The following RELT variants were observed in gnomAD, a reference collection of about 807,000 sequenced individuals.
The protein encoded by RELT is RELT TNF receptor.
A neutral mutation model predicts 51.1 loss-of-function variants in RELT; 37 were observed. The observed-to-expected ratio is 0.72, with a 90% CI of 0.56 to 0.95. The LOEUF is 0.95. Among genes scored for constraint, RELT ranks in the 40% least tolerant of loss-of-function variants. RELT has a pLI of 0.00. For missense variants in RELT, 535 were observed against 572.6 expected, an observed-to-expected ratio of 0.93 and a Z score of 0.67; for synonymous variants, 241 against 235.7, an observed-to-expected ratio of 1.02 and a Z score of -0.21.
chr11:73,377,704 G>T (rs1865992715), intron 1 of RELT, among the ~76,000 whole-genome samples: 1 of 140,352 alleles, frequency 7.1e-6, no homozygotes, highest in African/African-American at 2.6e-5. Flanking sequence ...CCTCCCCCGC[G>T]CAGGCCTCAG....
chr11:73,381,911 G>T (rs961074555), intron 1 of RELT, among the ~76,000 whole-genome samples: 1 of 152,182 alleles, frequency 6.6e-6, no homozygotes. Flanking sequence ...AAGCCTCTGG[G>T]TGACCTCGGC....
intron 1 of RELT, among the ~76,000 whole-genome samples, chr11:73,384,873 G>T (rs1368372912): frequency 6.6e-6 from 1 of 152,212 alleles, no homozygotes; most frequent in Non-Finnish European, 1.5e-5. Context: ...GGGAGGTGGG[G>T]GAGAGGGTAC....
intron 1 of RELT, among the ~76,000 whole-genome samples, chr11:73,384,054 T>C (rs1486188377): frequency 6.6e-6 from 1 of 152,132 alleles, no homozygotes; most frequent in East Asian, 1.9e-4. Flanking sequence ...AGCCACTATC[T>C]GGGAAGCAGA....
chr11:73,385,162 A>G (rs950438484), intron 1 of RELT, among the ~76,000 whole-genome samples: 4 of 151,936 alleles, frequency 2.6e-5, no homozygotes, highest in African/African-American at 9.7e-5. Context: ...GGCAAGAGCA[A>G]TGGGCGCAGG....
chr11:73,387,153 C>T (rs1008544340), intron 1 of RELT, among the ~76,000 whole-genome samples: 14 of 152,104 alleles, frequency 9.2e-5, no homozygotes, highest in African/African-American at 3.4e-4. Flanking sequence ...GCATCTTGGC[C>T]AGGCTGGTCT....
At chr11:73,392,530 T>G in intron 6 of RELT, 62 bp downstream of exon 6, 2 of 1,560,706 alleles carry the variant, frequency 1.3e-6, no homozygotes, top group South Asian at 1.1e-5. Context: ...CCAGCTCCAC[T>G]TGGGGGCTGC....
chr11:73,392,087 G>A, intron 5 of RELT, 124 bp from the exon 6 acceptor site: 3 of 1,109,408 alleles, frequency 2.7e-6, no homozygotes, highest in Non-Finnish European at 3.9e-6. Context: ...AGCATGGCGG[G>A]GAGTGGGCTC....
intron 6 of RELT, chr11:73,393,198 C>G: frequency 6.0e-6 from 6 of 1,001,056 alleles, no homozygotes; most frequent in Non-Finnish European, 7.2e-6. Flanking sequence ...AGGAAGCGGA[C>G]AGGAGCAGTA....
At position 73,395,761 on chromosome 11, in the gene RELT, C is replaced by T. The variant is rs1015565579; in HGVS notation, c.*270C>T. ...AAGGATGCCCCGACCCCCGTGCCTG[C>T]CCTGGCTGGATCCTAGGAGCCCACG... On this transcript the variant is annotated 3_prime_UTR_variant, in exon 11 of 11. Coordinates refer to ENST00000064780, the MANE Select transcript of RELT (RefSeq NM_152222.2). The T allele has an allele frequency of 1.9e-4, 105 of 550,710 alleles. No individual in the cohort carries two copies. In the Middle Eastern group the frequency reaches 4.3e-3, roughly 23 times the overall value. The allele number at this position is 550,710 out of a possible 1,614,324, so 34.1% of individuals were successfully genotyped here.
chr11:73,381,053 C>T (rs1290416091), intron 1 of RELT, among the ~76,000 whole-genome samples: 1 of 152,200 alleles, frequency 6.6e-6, no homozygotes, highest in Non-Finnish European at 1.5e-5. Flanking sequence ...TCATTCCCTC[C>T]AAGCACAGGC....
At chr11:73,393,775 G>A (rs1866258495) in intron 6 of RELT, 62 bp from the exon 7 acceptor site, 1 of 1,585,868 alleles carries the variant, frequency 6.3e-7, no homozygotes. Flanking sequence ...GGCAGATCAT[G>A]GTTTAGCTCA....
Position 73,394,604 on chromosome 11 carries a change from G to A in RELT, c.916G>A (p.Val306Met). 1 of 1,613,290 alleles carries A rather than the reference G, an allele frequency of 6.2e-7. No individual in the cohort carries two copies. Among genetic ancestry groups the A allele is most frequent in the Non-Finnish European group, 8.5e-7 (1 of 1,179,998 alleles). Residue 306 changes from valine (V) to methionine (M), a missense_variant, in exon 9 of 11, where the codon GTG becomes ATG. Physicochemically the swap from Val to Met is conservative, Grantham distance 21. Coordinates refer to ENST00000064780, the MANE Select transcript of RELT (RefSeq NM_152222.2). This position sits in a 1 kb window ranked among gnomAD's most constrained non-coding sequence, Gnocchi z 4.9. ...CTGTAGCCAGAAGAAGTGGCCCGAGGTGCTGCTGTCCCCTGAGGCTGTAGC... is the reference window on the plus strand; with the variant it reads ...CTGTAGCCAGAAGAAGTGGCCCGAGATGCTGCTGTCCCCTGAGGCTGTAGC... The part of the protein sequence containing the change: ...SRCSQKKWPE[V>M]LLSPEAVAAT...
rs770129535 is a variant in RELT, at chr11:73,395,170, G to C, written c.1130G>C (p.Trp377Ser). Residue 377 changes from tryptophan to serine, a missense_variant, in exon 10 of 11, where the codon TGG (tryptophan) becomes TCG (serine). By Grantham distance (177) the Trp-to-Ser change is radical. Transcript: ENST00000064780. The part of the protein sequence containing the change: ...VKTITEAGPS[W>S]GDLPDSPQPG... ...ACCATCACGGAGGCTGGGCCCTCGT[G>C]GGGTGATCTCCCTGACTCCCCACAG... The C allele has an allele frequency of 2.5e-6, 4 of 1,613,432 alleles. No homozygotes were observed. In the East Asian group the frequency reaches 6.7e-5, roughly 27 times the overall value.
chr11:73,379,269 A>G (rs1226117697), intron 1 of RELT, among the ~76,000 whole-genome samples: 1 of 152,168 alleles, frequency 6.6e-6, no homozygotes, highest in Non-Finnish European at 1.5e-5. Context: ...CAAGAGGAGA[A>G]GGGTTAACTT....
chr11:73,383,467 G>C (rs544060225), intron 1 of RELT, among the ~76,000 whole-genome samples: 1 of 152,368 alleles, frequency 6.6e-6, no homozygotes, highest in South Asian at 2.1e-4. Flanking sequence ...TGGCGGTGCA[G>C]ACAGCACCTT....
rs1335312835 is a variant in RELT at position 73,396,678 on chromosome 11, C to CTT, written c.*1188_*1189dup. ...CTCCTTTTCTCTGTGCCCTTCCCAG[C>CTT]TTATCCGCCTGTTCCACTTGTACCT... On this transcript the variant is annotated 3_prime_UTR_variant, in exon 11 of 11. Transcript: ENST00000064780. 1.3e-5 allele frequency: 2 copies of CTT among 152,320 alleles called. No homozygotes were observed. The highest frequency in any genetic ancestry group is 4.8e-5 in the African/African-American group (2 of 41,466). The allele number at this position is 152,320 out of a possible 1,614,324, so 9.4% of individuals were successfully genotyped here.
intron 1 of RELT, 199 bp downstream of exon 1, chr11:73,376,698 G>T (rs1419058320): frequency 6.6e-6 from 1 of 151,602 alleles, no homozygotes; most frequent in Non-Finnish European, 1.5e-5. Flanking sequence ...TCCGCGCACC[G>T]GCCACCGCCA....
At chr11:73,386,260 G>A (rs1866121969) in intron 1 of RELT, among the ~76,000 whole-genome samples, 2 of 152,208 alleles carry the variant, frequency 1.3e-5, no homozygotes. Context: ...GTGTGGCTGG[G>A]TGTGGCTCTC....
At chr11:73,392,559 C>G in intron 6 of RELT, 91 bp downstream of exon 6, 1 of 1,501,828 alleles carries the variant, frequency 6.7e-7, no homozygotes, top group Non-Finnish European at 8.9e-7. Flanking sequence ...TCCTGCCTGG[C>G]CTCTGGGGTC....
Sources: allele counts gnomAD v4.1 joint callset (sites outside exome capture counted in the v4.1 genomes callset), GRCh38; gene constraint gnomAD v4.1.1; non-coding constraint Gnocchi (gnomAD v3.1); transcripts MANE v1.5; gene names NCBI Gene and HGNC (gene_info 2026-07-23, HGNC 2026-07-21).